The following NFIB variants were observed in gnomAD, a reference collection of about 807,000 sequenced individuals.
NFIB encodes nuclear factor I B.
Under a neutral mutation model 61.5 loss-of-function variants are expected in NFIB, and 11 were observed. The observed-to-expected ratio is 0.18, with a 90% CI of 0.11 to 0.30. The LOEUF (loss-of-function observed/expected upper bound fraction) is 0.30, where lower values mean the gene tolerates loss of function less well. NFIB is among the 10% of genes least tolerant of loss of function. The pLI, the probability that NFIB is intolerant of heterozygous loss-of-function variation, is 1.00. For synonymous variants in NFIB, 260 were observed against 216.5 expected (o/e 1.20, Z -1.76); for missense variants, 471 against 608.9 (o/e 0.77, Z 2.38).
At chr9:14,518,914 A>T in the NFIB span, among the ~76,000 whole-genome samples, 1 of 152,184 alleles carries the variant, frequency 6.6e-6, no homozygotes, top group South Asian at 2.1e-4. Flanking sequence ...ATTCCCACTC[A>T]TCTGCTAAGA....
intron 1 of NFIB, among the ~76,000 whole-genome samples, chr9:14,363,575 A>G (rs1035961905): frequency 2.0e-5 from 3 of 152,028 alleles, no homozygotes. Context: ...TTACGAAAGC[A>G]ATGGCATGTA....
intron 2 of NFIB, among the ~76,000 whole-genome samples, chr9:14,231,208 G>C (rs2053156998): frequency 7.1e-6 from 1 of 139,998 alleles, no homozygotes; most frequent in East Asian, 2.1e-4. Context: ...TGCTATCTAA[G>C]CATGCTGGGA....
chr9:14,438,319 G>A, the NFIB span, among the ~76,000 whole-genome samples: 1 of 152,224 alleles, frequency 6.6e-6, no homozygotes, highest in African/African-American at 2.4e-5. Flanking sequence ...AAGAAACGCT[G>A]GGTGCTAAAT....
At chr9:14,360,529 G>A (rs564869697) in intron 1 of NFIB, among the ~76,000 whole-genome samples, 1 of 151,352 alleles carries the variant, frequency 6.6e-6, no homozygotes, top group Non-Finnish European at 1.5e-5. Context: ...ATATTATTAT[G>A]GTGATTTTCT....
At chr9:14,109,920 C>T (rs190059658) in intron 10 of NFIB, among the ~76,000 whole-genome samples, 1 of 152,030 alleles carries the variant, frequency 6.6e-6, no homozygotes, top group East Asian at 1.9e-4. Flanking sequence ...GCAACCAATG[C>T]CATCAGCAAT....
At chr9:14,227,588 G>A (rs1300256940) in intron 2 of NFIB, among the ~76,000 whole-genome samples, 1 of 151,948 alleles carries the variant, frequency 6.6e-6, no homozygotes, top group Non-Finnish European at 1.5e-5. Context: ...AATTTACAAC[G>A]GTACTGTAAT....
At chr9:14,427,777 G>A in the NFIB span, among the ~76,000 whole-genome samples, 3 of 151,850 alleles carry the variant, frequency 2.0e-5, no homozygotes, top group African/African-American at 7.3e-5. Flanking sequence ...GAGGAGAGTC[G>A]GTGGCACACT....
intron 2 of NFIB, among the ~76,000 whole-genome samples, chr9:14,224,680 A>C (rs2052138142): frequency 6.6e-6 from 1 of 152,236 alleles, no homozygotes; most frequent in African/African-American, 2.4e-5. Context: ...GGTTACATAC[A>C]AATACTATGC....
At chr9:14,224,189 G>A (rs1288070316) in intron 2 of NFIB, among the ~76,000 whole-genome samples, 1 of 152,176 alleles carries the variant, frequency 6.6e-6, no homozygotes, top group African/African-American at 2.4e-5. Context: ...CAAAAAGGTG[G>A]AAAACAAGTG....
intron 1 of NFIB, among the ~76,000 whole-genome samples, chr9:14,365,201 T>C (rs11787837): frequency 0.23 from 34,471 of 152,142 alleles, 4,756 homozygotes; most frequent in South Asian, 0.33. Context: ...TGCTAAAAAA[T>C]AAATTTCGAG....
At chr9:14,399,977 T>C (rs1239910839), upstream of NFIB, among the ~76,000 whole-genome samples, 1 of 151,970 alleles carries the variant, frequency 6.6e-6, no homozygotes, top group African/African-American at 2.4e-5. Context: ...CAATTTTACC[T>C]TGGAGTACGT....
chr9:14,212,088 C>T (rs2050372586), intron 2 of NFIB, among the ~76,000 whole-genome samples: 1 of 152,150 alleles, frequency 6.6e-6, no homozygotes, highest in South Asian at 2.1e-4. Flanking sequence ...ACTGGACTTT[C>T]CTTAAAAATG....
At chr9:14,450,656 G>A in the NFIB span, among the ~76,000 whole-genome samples, 3 of 151,994 alleles carry the variant, frequency 2.0e-5, no homozygotes, top group South Asian at 2.1e-4. Flanking sequence ...CCCTCCCCCC[G>A]CACCACAAAC....
intron 6 of NFIB, among the ~76,000 whole-genome samples, chr9:14,135,781 T>C (rs1335850224): frequency 6.6e-6 from 1 of 152,202 alleles, no homozygotes; most frequent in Non-Finnish European, 1.5e-5. Flanking sequence ...CTCAACCATT[T>C]TTTTTAAATT....
intron 6 of NFIB, among the ~76,000 whole-genome samples, chr9:14,131,087 T>C (rs2040347593): frequency 6.6e-6 from 1 of 152,290 alleles, no homozygotes; most frequent in East Asian, 1.9e-4. Flanking sequence ...GAATTCTTCT[T>C]AATGACAGAT....
chr9:14,147,779 C>CTA (rs2042429832), intron 5 of NFIB, among the ~76,000 whole-genome samples: 1 of 151,040 alleles, frequency 6.6e-6, no homozygotes, highest in Non-Finnish European at 1.5e-5. Flanking sequence ...GTAGCTTGAA[C>CTA]TATAGGTGCC....
rs1208019863 is a variant in NFIB at position 14,088,332 on chromosome 9, G to A, written c.1468-6C>T. 2 of 1,538,176 alleles carry A rather than the reference G, an allele frequency of 1.3e-6. No homozygotes were observed. Among genetic ancestry groups the A allele is most frequent in the African/African-American group, 1.4e-5 (1 of 73,304 alleles). On this transcript the variant is annotated splice_polypyrimidine_tract_variant and splice_region_variant and intron_variant, in intron 10 of 10. Transcript: ENST00000380953. The stretch of plus-strand genomic sequence containing the variant: ...AGCTAGCCCAGGTACCAGGACTGTT[G>A]AGAGGAGAGAGGCAGCAGGGAGGGA...
chr9:14,110,725 T>C (rs2037230789), intron 10 of NFIB, among the ~76,000 whole-genome samples: 1 of 152,106 alleles, frequency 6.6e-6, no homozygotes, highest in Admixed American at 6.6e-5. Flanking sequence ...TAAAACTTCA[T>C]TTCTATAATT....
chr9:14,424,370 G>C, the NFIB span, among the ~76,000 whole-genome samples: 222 of 152,246 alleles, frequency 1.5e-3, 1 homozygote, highest in African/African-American at 5.1e-3. Flanking sequence ...GGTCAAATAA[G>C]TTTTGGAAAT....
Sources: allele counts gnomAD v4.1 joint callset (sites outside exome capture counted in the v4.1 genomes callset), GRCh38; gene constraint gnomAD v4.1.1; transcripts MANE v1.5; gene names NCBI Gene and HGNC (gene_info 2026-07-23, HGNC 2026-07-21).